The following SLC30A8 variants were observed in gnomAD, a reference collection of about 807,000 sequenced individuals.
SLC30A8 encodes the protein proton-coupled zinc antiporter SLC30A8.
SLC30A8 carries 27 observed loss-of-function variants against 36.9 expected under a neutral mutation model. The ratio of observed to expected loss-of-function variants is 0.73; its 90% CI spans 0.54 to 1.01. The LOEUF (loss-of-function observed/expected upper bound fraction) is 1.01. Ranked by LOEUF, SLC30A8 falls within the 50% of genes least tolerant of loss-of-function variation. The pLI is 0.00. For synonymous variants in SLC30A8, 164 were observed against 172.4 expected (o/e 0.95, Z 0.38); for missense variants, 439 against 452.0 (o/e 0.97, Z 0.26).
chr8:117,013,997 T>G (rs1030640776), intron 1 of SLC30A8, among the ~76,000 whole-genome samples: 1 of 152,166 alleles, frequency 6.6e-6, no homozygotes, highest in Admixed American at 6.6e-5. Flanking sequence ...TTGAAAAAAG[T>G]GTGAAACAGA....
chr8:117,096,665 T>C (rs1819379385), intron 2 of SLC30A8, among the ~76,000 whole-genome samples: 3 of 152,146 alleles, frequency 2.0e-5, no homozygotes, highest in Admixed American at 6.5e-5. Flanking sequence ...AAATAGATAA[T>C]AAACACCAGT....
At chr8:117,013,624 A>G (rs1185788079) in intron 1 of SLC30A8, among the ~76,000 whole-genome samples, 3 of 152,170 alleles carry the variant, frequency 2.0e-5, no homozygotes, top group Admixed American at 6.5e-5. Flanking sequence ...ACAACCATAT[A>G]TATACCTGGA....
At chr8:116,995,227 A>G (rs1815775609) in intron 1 of SLC30A8, among the ~76,000 whole-genome samples, 1 of 152,100 alleles carries the variant, frequency 6.6e-6, no homozygotes, top group African/African-American at 2.4e-5. Flanking sequence ...GGTTTAATGC[A>G]TCTTTGCTTG....
At chr8:116,988,221 T>G (rs1815514176) in intron 1 of SLC30A8, among the ~76,000 whole-genome samples, 1 of 152,182 alleles carries the variant, frequency 6.6e-6, no homozygotes, top group South Asian at 2.1e-4. Context: ...AAGGGCATTT[T>G]GGGGGCAATA....
chr8:117,072,250 G>A lies in SLC30A8; in HGVS notation c.-226+32992G>A, dbSNP rs537705720. Among the ~76,000 whole-genome samples the A allele has an allele frequency of 7.9e-5, 12 of 152,244 alleles. 1 individual carries two copies. The highest frequency in any genetic ancestry group is 4.1e-4 in the South Asian group (2 of 4,826). Reference sequence around the variant, plus strand: ...TTCATTCTGTGCCTCACTATCCACTGCTTAATCCCTCGCCCATCCCACTTT... The same window carrying A: ...TTCATTCTGTGCCTCACTATCCACTACTTAATCCCTCGCCCATCCCACTTT... On this transcript the variant is annotated intron_variant, in intron 2 of 10. Transcript: ENST00000427715.
intron 2 of SLC30A8, among the ~76,000 whole-genome samples, chr8:117,048,371 A>G (rs1817615208): frequency 6.6e-6 from 1 of 152,216 alleles, no homozygotes; most frequent in African/African-American, 2.4e-5. Flanking sequence ...CAGGTAGTGT[A>G]TAGTGGGGGA....
chr8:117,119,208 A>G (rs1820581343), intron 2 of SLC30A8, among the ~76,000 whole-genome samples: 1 of 151,948 alleles, frequency 6.6e-6, no homozygotes, highest in South Asian at 2.1e-4. Flanking sequence ...GTAAACAATC[A>G]TCTCAGAGAT....
chr8:117,043,655 G>C (rs529611566), intron 2 of SLC30A8, among the ~76,000 whole-genome samples: 97 of 152,242 alleles, frequency 6.4e-4, no homozygotes, highest in African/African-American at 2.3e-3. Flanking sequence ...ATATAATACG[G>C]ATAATATTGT....
intron 2 of SLC30A8, among the ~76,000 whole-genome samples, chr8:117,097,923 TATA>T (rs1819515129): frequency 9.9e-6 from 1 of 100,540 alleles, no homozygotes; most frequent in African/African-American, 4.6e-5. Context: ...TTTAAATAAA[TATA>T]TATATTATAT....
At chr8:117,065,170 C>G (rs1818131248) in intron 2 of SLC30A8, among the ~76,000 whole-genome samples, 1 of 152,072 alleles carries the variant, frequency 6.6e-6, no homozygotes, top group Non-Finnish European at 1.5e-5. Context: ...AGACCATAAA[C>G]TATGGAAAAG....
chr8:117,067,531 A>C (rs1818206351), intron 2 of SLC30A8, among the ~76,000 whole-genome samples: 1 of 152,066 alleles, frequency 6.6e-6, no homozygotes, highest in South Asian at 2.1e-4. Flanking sequence ...ATTGACTTTC[A>C]AGTTTAACGA....
chr8:117,019,556 A>C (rs1816636077), intron 1 of SLC30A8, among the ~76,000 whole-genome samples: 1 of 152,200 alleles, frequency 6.6e-6, no homozygotes. Flanking sequence ...CATTTGTCTT[A>C]AACAATGATT....
chr8:117,164,725 C>T (rs779730460), intron 6 of SLC30A8, among the ~76,000 whole-genome samples: 19 of 152,098 alleles, frequency 1.2e-4, no homozygotes, highest in Non-Finnish European at 2.4e-4. Context: ...GATCTTAACA[C>T]GGCTGGGAGC....
chr8:117,149,175 CTT>C (rs1822048379), intron 2 of SLC30A8, among the ~76,000 whole-genome samples: 1 of 152,092 alleles, frequency 6.6e-6, no homozygotes, highest in African/African-American at 2.4e-5. Context: ...TGAAATGTTT[CTT>C]TGTTTCAGTT....
At chr8:117,040,177 A>G (rs971535500) in intron 2 of SLC30A8, among the ~76,000 whole-genome samples, 1 of 152,238 alleles carries the variant, frequency 6.6e-6, no homozygotes, top group African/African-American at 2.4e-5. Flanking sequence ...TTCGGAATAC[A>G]GAGGAGCTCT....
intron 1 of SLC30A8, among the ~76,000 whole-genome samples, chr8:117,027,421 C>T (rs1017367884): frequency 2.0e-5 from 3 of 152,182 alleles, no homozygotes; most frequent in African/African-American, 4.8e-5. Flanking sequence ...CTTCAGGTCT[C>T]AATTCAAATG....
chr8:117,009,106 A>C lies in SLC30A8; in HGVS notation c.-265-30113A>C, dbSNP rs552865609. ...CCTTCTACTCAAGGACTTAGTAATC[A>C]AAATCCCCTGCTTAGAAAGTTGCTG... On this transcript the variant is annotated intron_variant, in intron 1 of 10. Transcript: ENST00000427715. Among the ~76,000 whole-genome samples the C allele has an allele frequency of 4.1e-4, 62 of 152,360 alleles. No homozygotes were observed. In the South Asian group the frequency reaches 5.0e-3, roughly 12 times the overall value.
chr8:117,048,559 A>G (rs1817619039), intron 2 of SLC30A8, among the ~76,000 whole-genome samples: 2 of 152,150 alleles, frequency 1.3e-5, no homozygotes, highest in South Asian at 4.1e-4. Context: ...TTCATTTATC[A>G]CTAGATCCTG....
chr8:116,978,478 C>T (rs1478328679), intron 1 of SLC30A8, among the ~76,000 whole-genome samples: 9 of 94,342 alleles, frequency 9.5e-5, no homozygotes, highest in Non-Finnish European at 1.6e-4. Flanking sequence ...TTTCTTGGCA[C>T]GCTTCTAATC....
Sources: allele counts gnomAD v4.1 joint callset (sites outside exome capture counted in the v4.1 genomes callset), GRCh38; gene constraint gnomAD v4.1.1; transcripts MANE v1.5; gene names NCBI Gene and HGNC (gene_info 2026-07-23, HGNC 2026-07-21).